ATP9B: variants seen among roughly 807,000 people sequenced by gnomAD.
ATP9B encodes ATPase phospholipid transporting 9B.
In ATP9B, 110 loss-of-function variants were observed where a neutral mutation model predicts 146.1. That is an observed-to-expected ratio of 0.75 (90% CI 0.65 to 0.88). The LOEUF (loss-of-function observed/expected upper bound fraction) is 0.88. Among genes scored for constraint, ATP9B ranks in the 40% least tolerant of loss-of-function variants. The probability of loss-of-function intolerance (pLI) is 0.00; values close to 1 mark genes in which losing one functional copy is unlikely to be tolerated. For synonymous variants in ATP9B, 604 were observed against 569.7 expected (o/e 1.06, Z -0.86); for missense variants, 1,499 against 1,496.4 (o/e 1.00, Z -0.03).
At chr18:79,359,207 A>G (rs1451640741) in intron 25 of ATP9B, 147 bp from the exon 26 acceptor site, 2 of 602,812 alleles carry the variant, frequency 3.3e-6, no homozygotes, top group African/African-American at 1.8e-5. Flanking sequence ...CTCCGCAATC[A>G]TCTTACTTGG....
At chr18:79,200,530 A>G (rs1186717612) in intron 9 of ATP9B, among the ~76,000 whole-genome samples, 2 of 152,206 alleles carry the variant, frequency 1.3e-5, no homozygotes, top group African/African-American at 4.8e-5. Flanking sequence ...TGCACACAGA[A>G]CATTTATTAA....
Position 79,347,797 on chromosome 18 carries a change from G to T in ATP9B, c.2710G>T (p.Asp904Tyr). 6.3e-7 allele frequency: 1 copy of T among 1,596,330 alleles called. No homozygotes were observed. The highest frequency in any genetic ancestry group is 1.7e-5 in the Admixed American group (1 of 58,242). Residue 904 changes from aspartate to tyrosine, a missense_variant, in exon 24 of 30, where the codon GAC (aspartate) becomes TAC (tyrosine). Transcript: ENST00000426216. ...GGGTAAACAGGCCTCGCTGGCGGCCGACTTCTCCATCACGCAGTTCCGGCA... is the reference window on the plus strand; with the variant it reads ...GGGTAAACAGGCCTCGCTGGCGGCCTACTTCTCCATCACGCAGTTCCGGCA... ...KEGKQASLAA[D>Y]FSITQFRHIG... is the part of the protein sequence containing the mutation.
chr18:79,237,796 C>T (rs2095856087), intron 11 of ATP9B, among the ~76,000 whole-genome samples: 2 of 151,988 alleles, frequency 1.3e-5, no homozygotes, highest in African/African-American at 2.4e-5. Context: ...AAGCCATCCT[C>T]ACACCTCCGC....
intron 11 of ATP9B, among the ~76,000 whole-genome samples, chr18:79,230,231 G>T (rs2095778199): frequency 6.6e-6 from 1 of 152,204 alleles, no homozygotes; most frequent in Non-Finnish European, 1.5e-5. Context: ...TCGGACAAGA[G>T]AAAGAAATAA....
At chr18:79,313,157 C>T (rs968580787) in intron 15 of ATP9B, among the ~76,000 whole-genome samples, 1 of 152,184 alleles carries the variant, frequency 6.6e-6, no homozygotes, top group Non-Finnish European at 1.5e-5. Context: ...AAACTCAGAA[C>T]CACGTTTGGA....
At chr18:79,186,568 T>C (rs562389579) in intron 8 of ATP9B, among the ~76,000 whole-genome samples, 1 of 152,326 alleles carries the variant, frequency 6.6e-6, no homozygotes, top group South Asian at 2.1e-4. Context: ...GACAGTGTCA[T>C]ATTTAAATGA....
At chr18:79,123,927 A>G (rs1344708414) in intron 4 of ATP9B, among the ~76,000 whole-genome samples, 1 of 152,240 alleles carries the variant, frequency 6.6e-6, no homozygotes, top group African/African-American at 2.4e-5. Context: ...CAACGTCATT[A>G]GTCAGTAGAG....
intron 11 of ATP9B, among the ~76,000 whole-genome samples, chr18:79,215,741 G>A (rs1203410730): frequency 1.3e-5 from 2 of 151,986 alleles, no homozygotes; most frequent in South Asian, 2.1e-4. Context: ...CCAGGCTGGA[G>A]TACAGTGGTG....
At chr18:79,200,736 G>C (rs2095470301) in intron 9 of ATP9B, among the ~76,000 whole-genome samples, 1 of 152,210 alleles carries the variant, frequency 6.6e-6, no homozygotes, top group Non-Finnish European at 1.5e-5. Context: ...GGACTGTCGG[G>C]GTCAGAGCAG....
chr18:79,305,011 C>G (rs1485838241), intron 14 of ATP9B, among the ~76,000 whole-genome samples: 1 of 152,182 alleles, frequency 6.6e-6, no homozygotes, highest in Non-Finnish European at 1.5e-5. Context: ...CGCTGCACGG[C>G]ACTGCTCCCC....
At chr18:79,318,262 G>A (rs2096693455) in intron 15 of ATP9B, among the ~76,000 whole-genome samples, 1 of 152,250 alleles carries the variant, frequency 6.6e-6, no homozygotes. Flanking sequence ...GGGAAAGGAA[G>A]AGTAGCTTGA....
At chr18:79,277,472 TAC>T (rs1317818976) in intron 13 of ATP9B, among the ~76,000 whole-genome samples, 3 of 152,156 alleles carry the variant, frequency 2.0e-5, no homozygotes, top group Non-Finnish European at 4.4e-5. Flanking sequence ...TCTACAGTCT[TAC>T]AGTTTTTTTT....
At chr18:79,153,156 T>G (rs1384224359) in intron 6 of ATP9B, among the ~76,000 whole-genome samples, 1 of 152,222 alleles carries the variant, frequency 6.6e-6, no homozygotes, top group East Asian at 1.9e-4. Flanking sequence ...CCATTTACCA[T>G]TTATTATCCA....
At chr18:79,274,067 A>T (rs1402150324) in intron 12 of ATP9B, among the ~76,000 whole-genome samples, 1 of 152,218 alleles carries the variant, frequency 6.6e-6, no homozygotes, top group Non-Finnish European at 1.5e-5. Context: ...ACAATTTCAC[A>T]GTTGCTAAAT....
At chr18:79,143,698 T>G (rs949791421) in intron 5 of ATP9B, 104 bp from the exon 6 acceptor site, 4 of 710,610 alleles carry the variant, frequency 5.6e-6, no homozygotes, top group African/African-American at 5.5e-5. Context: ...TTCTAAAGTT[T>G]TTTTTTCTGT....
intron 11 of ATP9B, among the ~76,000 whole-genome samples, chr18:79,241,591 C>T (rs930979791): frequency 6.6e-6 from 1 of 152,184 alleles, no homozygotes; most frequent in Non-Finnish European, 1.5e-5. Flanking sequence ...AACCTGTTGA[C>T]TGTATTTTGC....
intron 15 of ATP9B, among the ~76,000 whole-genome samples, chr18:79,322,654 T>C (rs764978926): frequency 6.6e-6 from 1 of 152,258 alleles, no homozygotes; most frequent in Non-Finnish European, 1.5e-5. Context: ...ACATTAAGCA[T>C]TGGATTTGCT....
chr18:79,290,795 T>C (rs1385501727), intron 13 of ATP9B, among the ~76,000 whole-genome samples: 1 of 152,228 alleles, frequency 6.6e-6, no homozygotes, highest in African/African-American at 2.4e-5. Context: ...CTAAGTAAGT[T>C]TGTGTTTTGA....
At chr18:79,362,884 T>G (rs972836751) in intron 26 of ATP9B, 1 of 152,264 alleles carries the variant, frequency 6.6e-6, no homozygotes, top group African/African-American at 2.4e-5. Context: ...CCATTAGGTA[T>G]TGAACCATTC....
Sources: gnomAD v4.1 joint callset for allele counts (sites outside exome capture counted in the v4.1 genomes callset) on GRCh38, gnomAD v4.1.1 for gene constraint, MANE v1.5 for transcripts, NCBI Gene and HGNC (gene_info 2026-07-23, HGNC 2026-07-21) for gene names.